The following ANO3 variants were observed in gnomAD, a reference collection of about 807,000 sequenced individuals.
ANO3 encodes anoctamin 3.
ANO3 carries 99 observed loss-of-function variants against 144.8 expected under a neutral mutation model. That is an observed-to-expected ratio of 0.68 (90% CI 0.58 to 0.81). ANO3 has a LOEUF of 0.81. Ranked by LOEUF, ANO3 falls within the 30% of genes least tolerant of loss-of-function variation. ANO3 has a pLI of 0.00. For missense variants in ANO3, 905 were observed against 1,202.2 expected, an observed-to-expected ratio of 0.75 and a Z score of 3.66; for synonymous variants, 414 against 392.6, an observed-to-expected ratio of 1.05 and a Z score of -0.64.
At chr11:26,588,590 T>G (rs12294962) in intron 14 of ANO3, among the ~76,000 whole-genome samples, 20,180 of 152,144 alleles carry the variant, frequency 0.13, 1,715 homozygotes, top group African/African-American at 0.25. Context: ...GTGAAAGATG[T>G]TTTTTGCTCA....
intron 5 of ANO3, chr11:26,508,536 G>A: frequency 2.7e-6 from 1 of 375,194 alleles, no homozygotes; most frequent in Non-Finnish European, 4.7e-6. Flanking sequence ...ATGTCAAGTA[G>A]AAAACTTTAT....
intron 9 of ANO3, among the ~76,000 whole-genome samples, chr11:26,535,513 T>C (rs1054110598): frequency 7.3e-5 from 11 of 150,728 alleles, no homozygotes; most frequent in Non-Finnish European, 1.6e-4. Flanking sequence ...CAATCTCTAC[T>C]GATTTTATTA....
At chr11:26,532,793 A>T (rs1037409864) in intron 8 of ANO3, among the ~76,000 whole-genome samples, 1 of 151,966 alleles carries the variant, frequency 6.6e-6, no homozygotes, top group African/African-American at 2.4e-5. Flanking sequence ...TGGCTCTGAA[A>T]ATGTGACCTA....
chr11:26,357,526 G>T (rs965089136), intron 1 of ANO3, among the ~76,000 whole-genome samples: 21 of 145,614 alleles, frequency 1.4e-4, no homozygotes, highest in Non-Finnish European at 2.9e-4. Context: ...AATTTTTTCT[G>T]TTTTTTTTTT....
Position 26,211,295 on chromosome 11 carries a change from T to A in ANO3, c.154+21965T>A, listed in dbSNP as rs866087569. On this transcript the variant is annotated intron_variant, in intron 1 of 27. Coordinates refer to the ANO3 transcript ENST00000672621. ...CGAAATTAAGGCAGAAATAAATAAG[T>A]TCTTTGAAAATAATGAGAACAAAGA... Among the ~76,000 whole-genome samples, 8 of 152,204 alleles carry A rather than the reference T, an allele frequency of 5.3e-5. 1 individual carries two copies. In the Middle Eastern group the frequency reaches 0.024, roughly 456 times the overall value.
chr11:26,386,130 C>G (rs7945236), intron 1 of ANO3, among the ~76,000 whole-genome samples: 144,445 of 152,168 alleles, frequency 0.95, 68,605 homozygotes, highest in East Asian at 1. Flanking sequence ...CTTTGTGCTA[C>G]GAAGTGAGAA....
chr11:26,206,804 C>T (rs1851802898), intron 1 of ANO3, among the ~76,000 whole-genome samples: 1 of 152,146 alleles, frequency 6.6e-6, no homozygotes, highest in South Asian at 2.1e-4. Flanking sequence ...ATTTTAGTGT[C>T]ACACTACATT....
At chr11:26,593,809 C>T (rs937492334) in intron 14 of ANO3, among the ~76,000 whole-genome samples, 1 of 152,158 alleles carries the variant, frequency 6.6e-6, no homozygotes, top group Non-Finnish European at 1.5e-5. Context: ...GTTCCAGAGC[C>T]TCCAAAGTCC....
At chr11:26,465,296 A>ATAGATAGT (rs1554958087) in intron 4 of ANO3, among the ~76,000 whole-genome samples, 2 of 151,490 alleles carry the variant, frequency 1.3e-5, no homozygotes, top group Non-Finnish European at 3.0e-5. Flanking sequence ...AGATAGATAG[A>ATAGATAGT]TAGATAGATA....
In ANO3 at chr11:26,565,729, T is replaced by C. The variant is rs773156517; in HGVS notation, c.1447+5950T>C. ...TCACTTTCCAAAGAAATAGGTTTAT[T>C]TTCCATTGTTTTAAAAACTTCTGCA... On this transcript the variant is annotated intron_variant, in intron 14 of 26. Coordinates refer to ENST00000256737, the MANE Select transcript of ANO3 (RefSeq NM_031418.4). 1.0e-5 allele frequency: 16 copies of C among 1,606,014 alleles called. No homozygotes were observed. The highest frequency in any genetic ancestry group is 1.3e-5 in the Non-Finnish European group (15 of 1,174,244).
At chr11:26,626,114 G>T (rs1179213878) in intron 18 of ANO3, among the ~76,000 whole-genome samples, 7 of 152,068 alleles carry the variant, frequency 4.6e-5, no homozygotes, top group Non-Finnish European at 1.0e-4. Flanking sequence ...GACCTGTTTT[G>T]ATTTTTGTTA....
At chr11:26,354,759 ATAAG>A (rs1006811307) in intron 1 of ANO3, among the ~76,000 whole-genome samples, 24 of 152,266 alleles carry the variant, frequency 1.6e-4, no homozygotes, top group Admixed American at 8.5e-4. Flanking sequence ...TCCTCAGTAA[ATAAG>A]TATCAACTTT....
At chr11:26,514,087 T>TC (rs1311631327) in intron 5 of ANO3, among the ~76,000 whole-genome samples, 2 of 150,238 alleles carry the variant, frequency 1.3e-5, no homozygotes, top group East Asian at 3.9e-4. Context: ...CAGAAAGAGT[T>TC]TTTTTTTTTT....
At chr11:26,496,063 A>G (rs1860925872) in intron 4 of ANO3, among the ~76,000 whole-genome samples, 1 of 152,144 alleles carries the variant, frequency 6.6e-6, no homozygotes, top group Non-Finnish European at 1.5e-5. Flanking sequence ...AAGGTAATGA[A>G]TATTCTGGGG....
At chr11:26,595,939 A>G (rs114757558) in intron 14 of ANO3, among the ~76,000 whole-genome samples, 1,731 of 152,296 alleles carry the variant, frequency 0.011, 35 homozygotes, top group African/African-American at 0.038. Context: ...GCCGCTACCA[A>G]TTGAATGCAT....
chr11:26,207,032 C>T (rs11827497), intron 1 of ANO3, among the ~76,000 whole-genome samples: 171 of 151,932 alleles, frequency 1.1e-3, no homozygotes, highest in African/African-American at 4.0e-3. Flanking sequence ...TGGTGGTTTC[C>T]AAGATCTCGG....
intron 1 of ANO3, chr11:26,189,364 TCTTAA>T (rs1454607517): frequency 2.4e-5 from 23 of 972,540 alleles, no homozygotes; most frequent in African/African-American, 1.6e-4. Context: ...TGTATGAGTA[TCTTAA>T]CTTATGTTTG....
intron 14 of ANO3, among the ~76,000 whole-genome samples, chr11:26,569,848 G>C (rs917119056): frequency 1.2e-4 from 18 of 152,032 alleles, no homozygotes; most frequent in Admixed American, 9.2e-4. Flanking sequence ...GTGCACTGTG[G>C]GGGCAGACAG....
At chr11:26,293,966 T>C (rs1854026875) in intron 1 of ANO3, among the ~76,000 whole-genome samples, 1 of 152,168 alleles carries the variant, frequency 6.6e-6, no homozygotes, top group East Asian at 1.9e-4. Flanking sequence ...GTCGCTTTTT[T>C]GCATTGCCAA....
Sources: allele counts gnomAD v4.1 joint callset (sites outside exome capture counted in the v4.1 genomes callset), GRCh38; gene constraint gnomAD v4.1.1; transcripts MANE v1.5; gene names NCBI Gene and HGNC (gene_info 2026-07-23, HGNC 2026-07-21).